Variants in KCND3 observed in about 807,000 individuals in gnomAD.
KCND3 encodes the protein A-type voltage-gated potassium channel KCND3.
KCND3 carries 9 observed loss-of-function variants against 51.1 expected under a neutral mutation model. The observed-to-expected ratio is 0.18, with a 90% CI of 0.11 to 0.31. The LOEUF is 0.31. Among genes scored for constraint, KCND3 ranks in the 10% least tolerant of loss-of-function variants. The pLI is 1.00. For missense variants in KCND3, 526 were observed against 903.8 expected, an observed-to-expected ratio of 0.58 and a Z score of 5.36; for synonymous variants, 349 against 368.0, an observed-to-expected ratio of 0.95 and a Z score of 0.59.
rs146519402 is a variant in KCND3 at position 111,967,278 on chromosome 1, G to A, written c.1106+14343C>T. Reference sequence around the variant, plus strand: ...TGCTGAAGACAGCCCAGCTCCAAAGGGAATAGCAAACTAGACCCTAAATCT... The same window carrying A: ...TGCTGAAGACAGCCCAGCTCCAAAGAGAATAGCAAACTAGACCCTAAATCT... On this transcript the variant is annotated intron_variant, in intron 2 of 7. Coordinates refer to ENST00000302127, the MANE Select transcript of KCND3 (RefSeq NM_001378969.1). Among the ~76,000 whole-genome samples, 16 of 152,208 alleles carry A rather than the reference G, an allele frequency of 1.1e-4. No individual in the cohort carries two copies. The East Asian group carries it at 3.1e-3, about 29-fold the overall frequency.
intron 2 of KCND3, among the ~76,000 whole-genome samples, chr1:111,803,517 A>G (rs765294911): frequency 1.3e-5 from 2 of 152,174 alleles, no homozygotes; most frequent in Non-Finnish European, 2.9e-5. Flanking sequence ...CCAAGCCCCC[A>G]CATGGACACA....
At chr1:111,808,425 C>T (rs896867576) in intron 2 of KCND3, among the ~76,000 whole-genome samples, 3 of 152,204 alleles carry the variant, frequency 2.0e-5, no homozygotes, top group African/African-American at 7.2e-5. Context: ...CAAAGGTTTC[C>T]TGGTCCACAA....
intron 2 of KCND3, among the ~76,000 whole-genome samples, chr1:111,905,029 G>A (rs1404093537): frequency 6.6e-6 from 1 of 152,204 alleles, no homozygotes; most frequent in African/African-American, 2.4e-5. Context: ...CATTCTCAGA[G>A]AGCTCTTCCC....
intron 2 of KCND3, among the ~76,000 whole-genome samples, chr1:111,878,651 C>A (rs533787047): frequency 6.6e-6 from 1 of 152,320 alleles, no homozygotes; most frequent in East Asian, 1.9e-4. Flanking sequence ...GAAAGGGCGA[C>A]CTCATTAGTG....
intron 6 of KCND3, 62 bp downstream of exon 6, chr1:111,778,374 G>T: frequency 1.3e-6 from 2 of 1,493,412 alleles, no homozygotes; most frequent in Non-Finnish European, 1.9e-6. Flanking sequence ...AAAAAGGGGA[G>T]AATCCACAGA....
intron 2 of KCND3, among the ~76,000 whole-genome samples, chr1:111,893,425 A>C (rs1669943684): frequency 6.6e-6 from 1 of 152,112 alleles, no homozygotes; most frequent in Non-Finnish European, 1.5e-5. Context: ...GAAGTCTTGG[A>C]AGAATGATGG....
intron 2 of KCND3, among the ~76,000 whole-genome samples, chr1:111,949,495 G>A (rs779706211): frequency 1.6e-4 from 25 of 152,118 alleles, no homozygotes; most frequent in Admixed American, 6.6e-4. Context: ...AAAAGTAAAC[G>A]GTCAGATTTA....
chr1:111,833,694 C>T (rs1666948897), intron 2 of KCND3, among the ~76,000 whole-genome samples: 1 of 152,206 alleles, frequency 6.6e-6, no homozygotes, highest in Non-Finnish European at 1.5e-5. Context: ...AAGTCTAAAA[C>T]AGACTCTCTC....
At chr1:111,857,500 A>AC (rs1668132768) in intron 2 of KCND3, among the ~76,000 whole-genome samples, 1 of 151,984 alleles carries the variant, frequency 6.6e-6, no homozygotes, top group African/African-American at 2.4e-5. Flanking sequence ...AGAAGTAAAT[A>AC]CCCGTCGCTT....
At chr1:111,854,022 T>C (rs1484279203) in intron 2 of KCND3, 2 of 152,046 alleles carry the variant, frequency 1.3e-5, no homozygotes, top group Non-Finnish European at 2.9e-5. Flanking sequence ...ATCTGCTGAG[T>C]GGATTATTGT....
At chr1:111,881,637 C>G (rs372175579) in intron 2 of KCND3, among the ~76,000 whole-genome samples, 1 of 152,154 alleles carries the variant, frequency 6.6e-6, no homozygotes, top group Non-Finnish European at 1.5e-5. Flanking sequence ...CATGGGAGTC[C>G]GGGGCAGCCC....
At chr1:111,866,922 G>A (rs1203029601) in intron 2 of KCND3, among the ~76,000 whole-genome samples, 1 of 152,156 alleles carries the variant, frequency 6.6e-6, no homozygotes, top group African/African-American at 2.4e-5. Flanking sequence ...AGCTTCCCAA[G>A]GAAGCCATTT....
intron 2 of KCND3, among the ~76,000 whole-genome samples, chr1:111,819,037 C>T (rs538392148): frequency 6.6e-6 from 1 of 151,984 alleles, no homozygotes; most frequent in East Asian, 1.9e-4. Context: ...GCTCCGTTGC[C>T]CGGGCTGGAG....
intron 2 of KCND3, among the ~76,000 whole-genome samples, chr1:111,818,777 C>T (rs1447738002): frequency 6.6e-6 from 1 of 152,108 alleles, no homozygotes; most frequent in Admixed American, 6.5e-5. Flanking sequence ...TCAGTCTTGC[C>T]CTGGCTCAAG....
At chr1:111,941,601 C>A (rs1001508445) in intron 2 of KCND3, among the ~76,000 whole-genome samples, 1 of 152,080 alleles carries the variant, frequency 6.6e-6, no homozygotes, top group Non-Finnish European at 1.5e-5. Flanking sequence ...GAAATGTCAA[C>A]AAGAATTAGA....
chr1:111,908,332 G>A (rs1287979005), intron 2 of KCND3, among the ~76,000 whole-genome samples: 1 of 152,228 alleles, frequency 6.6e-6, no homozygotes, highest in African/African-American at 2.4e-5. Flanking sequence ...ACTTGCTTCA[G>A]TTGCACAGTA....
intron 2 of KCND3, among the ~76,000 whole-genome samples, chr1:111,822,305 C>T (rs779088624): frequency 1.1e-4 from 17 of 152,120 alleles, no homozygotes; most frequent in South Asian, 4.2e-4. Flanking sequence ...TAAACTGTTG[C>T]GCAACCATCG....
intron 2 of KCND3, among the ~76,000 whole-genome samples, chr1:111,795,075 G>A (rs1219473923): frequency 6.6e-6 from 1 of 152,218 alleles, no homozygotes; most frequent in Non-Finnish European, 1.5e-5. Flanking sequence ...TAGGGCATCA[G>A]CCTAGCCACA....
chr1:111,975,596 A>C (rs1674584752), intron 2 of KCND3, among the ~76,000 whole-genome samples: 1 of 152,178 alleles, frequency 6.6e-6, no homozygotes. Context: ...TGGCAGCCAG[A>C]GCAATCCTTT....
Sources: gnomAD v4.1 joint callset for allele counts (sites outside exome capture counted in the v4.1 genomes callset) on GRCh38, gnomAD v4.1.1 for gene constraint, MANE v1.5 for transcripts, NCBI Gene and HGNC (gene_info 2026-07-23, HGNC 2026-07-21) for gene names.